The following IMPDH1 variants were observed in gnomAD, a reference collection of about 807,000 sequenced individuals.
The protein encoded by IMPDH1 is inosine-5'-monophosphate dehydrogenase 1.
Under a neutral mutation model 73.5 loss-of-function variants are expected in IMPDH1, and 41 were observed. The observed-to-expected ratio is 0.56, with a 90% CI of 0.43 to 0.72. The LOEUF (loss-of-function observed/expected upper bound fraction) is 0.72, where lower values mean the gene tolerates loss of function less well. Ranked by LOEUF, IMPDH1 falls within the 30% of genes least tolerant of loss-of-function variation. The pLI, the probability that IMPDH1 is intolerant of heterozygous loss-of-function variation, is 0.00. For synonymous variants in IMPDH1, 318 were observed against 334.3 expected (o/e 0.95, Z 0.53); for missense variants, 645 against 824.8 (o/e 0.78, Z 2.67).
intron 4 of IMPDH1, 139 bp from the exon 5 acceptor site, chr7:128,403,893 C>A: frequency 1.3e-6 from 1 of 759,812 alleles, no homozygotes; most frequent in East Asian, 2.6e-5. Context: ...CCCTACTGCC[C>A]CATCAGGGCA....
chr7:128,405,973 C>CGCGGGCCGG (rs1027053799), intron 3 of IMPDH1, 108 bp from the exon 4 acceptor site: 9 of 962,346 alleles, frequency 9.4e-6, no homozygotes, highest in African/African-American at 7.1e-5. Flanking sequence ...ACGCTGCTGC[C>CGCGGGCCGG]GCGGGCCGGG....
intron 5 of IMPDH1, among the ~76,000 whole-genome samples, chr7:128,401,966 C>A (rs930348877): frequency 6.6e-6 from 1 of 152,148 alleles, no homozygotes; most frequent in South Asian, 2.1e-4. Flanking sequence ...TCCCTGAAAC[C>A]CATCACTAAC....
chr7:128,405,921 C>CGCCGCTGCT, intron 3 of IMPDH1, 56 bp from the exon 4 acceptor site: 5 of 1,455,470 alleles, frequency 3.4e-6, no homozygotes, highest in Non-Finnish European at 4.5e-6. Context: ...CCGCCGCTGC[C>CGCCGCTGCT]GCCGCTGCTG....
chr7:128,403,663 A>G (rs1464658890), intron 5 of IMPDH1, 43 bp downstream of exon 5: 2 of 1,574,402 alleles, frequency 1.3e-6, no homozygotes, highest in African/African-American at 2.7e-5. Context: ...CTCTTCCACC[A>G]CATACACAGC....
intron 9 of IMPDH1, among the ~76,000 whole-genome samples, chr7:128,399,523 A>C (rs1355178645): frequency 1.0e-5 from 1 of 95,408 alleles, no homozygotes; most frequent in Non-Finnish European, 2.1e-5. Flanking sequence ...CTAAAAATAC[A>C]AAAAAAAAAA....
At chr7:128,403,069 GCCCACCGTTCC>G in intron 5 of IMPDH1, among the ~76,000 whole-genome samples, 1 of 151,930 alleles carries the variant, frequency 6.6e-6, no homozygotes, top group Non-Finnish European at 1.5e-5. Flanking sequence ...CCACTCCCAA[GCCCACCGTTCC>G]CACTCCCAAG....
chr7:128,397,798 C>T (rs887906015), intron 10 of IMPDH1, among the ~76,000 whole-genome samples: 2 of 152,038 alleles, frequency 1.3e-5, no homozygotes, highest in South Asian at 4.2e-4. Flanking sequence ...ATACTGCATA[C>T]TGGTGAGAAT....
At chr7:128,406,301 A>ACCCCCCCC (rs1563002564) in intron 3 of IMPDH1, among the ~76,000 whole-genome samples, 1 of 8,112 alleles carries the variant, frequency 1.2e-4, no homozygotes, top group Non-Finnish European at 3.0e-4. Context: ...CCACACCCCC[A>ACCCCCCCC]CACCCCCCAC....
In IMPDH1 at chr7:128,398,270, G is replaced by A; in HGVS notation, c.1074+144C>T. 1.5e-6 allele frequency: 1 copy of A among 670,748 alleles called. No individual in the cohort carries two copies. The highest frequency in any genetic ancestry group is 1.8e-5 in the South Asian group (1 of 54,092). 41.5% of individuals were successfully genotyped at this position (670,748 alleles called of 1,614,324 possible). On this transcript the variant is annotated intron_variant, in intron 10 of 16. Coordinates refer to ENST00000338791, the MANE Select transcript of IMPDH1 (RefSeq NM_000883.4). The surrounding 1 kb of genome is among the most constrained non-coding windows in gnomAD (Gnocchi z 4.3). ...ATCCTGCTGCCACCCTCCTAATTCT[G>A]ACACCAGGGAGCACTCAGAAAGAGA...
At chr7:128,407,747 T>G (rs1798874092) in intron 3 of IMPDH1, among the ~76,000 whole-genome samples, 1 of 151,872 alleles carries the variant, frequency 6.6e-6, no homozygotes, top group Admixed American at 6.6e-5. Flanking sequence ...ATGGCTAGAG[T>G]ACTATTCAGG....
chr7:128,392,731 G>A lies in IMPDH1; in HGVS notation c.*276C>T, dbSNP rs72624977. The A allele has an allele frequency of 4.6e-3, 2,258 of 486,814 alleles. 10 individuals are homozygous for A. The highest frequency in any genetic ancestry group is 6.2e-3 in the Non-Finnish European group (1,661 of 268,346). The allele number at this position is 486,814 out of a possible 1,614,324, so 30.2% of individuals were successfully genotyped here. ...GCCAGGCTGGAGCAGGCTGCAGCAA[G>A]AAAGACCTGAGGCAGGCGCAGGGCC... On this transcript the variant is annotated 3_prime_UTR_variant, in exon 17 of 17. Coordinates refer to ENST00000338791, the MANE Select transcript of IMPDH1 (RefSeq NM_000883.4).
chr7:128,405,910 C>G, intron 3 of IMPDH1, 45 bp from the exon 4 acceptor site: 18 of 1,470,656 alleles, frequency 1.2e-5, no homozygotes, highest in Non-Finnish European at 1.5e-5. Context: ...CGCGCGGCCG[C>G]CCGCCGCTGC....
intron 12 of IMPDH1, among the ~76,000 whole-genome samples, chr7:128,395,968 G>A (rs1797886153): frequency 6.6e-6 from 1 of 152,214 alleles, no homozygotes; most frequent in Non-Finnish European, 1.5e-5. Flanking sequence ...GGGTAGGAAA[G>A]GCCAAATGCA....
In IMPDH1 at chr7:128,401,120, A is replaced by G. The variant is rs1171272647; in HGVS notation, c.403-4T>C. 1 of 1,610,158 alleles carries G rather than the reference A, an allele frequency of 6.2e-7. No homozygotes were observed. The highest frequency in any genetic ancestry group is 8.5e-7 in the Non-Finnish European group (1 of 1,177,354). ...GGGTCAGGGCTGAGGTCAGGTCCTG[A>G]GGATGGAGGCACAGCCCACGTAAAG... On this transcript the variant is annotated splice_polypyrimidine_tract_variant and splice_region_variant and intron_variant, in intron 5 of 16. Transcript: ENST00000338791.
rs763116214 is a variant in IMPDH1 at position 128,394,321 on chromosome 7, T to C, written c.1735A>G (p.Thr579Ala). 7 of 1,613,940 alleles carry C rather than the reference T, an allele frequency of 4.3e-6. No homozygotes were observed. Among genetic ancestry groups the C allele is most frequent in the Non-Finnish European group, 5.1e-6 (6 of 1,180,008 alleles). The change falls in exon 16 of 17, where the codon ACC (threonine) becomes GCC (alanine). Residue 579 changes from threonine to alanine, a missense_variant. Physicochemically the swap from Thr to Ala is moderately conservative, Grantham distance 58. Transcript: ENST00000338791. The surrounding 1 kb of genome is among the most constrained non-coding windows in gnomAD (Gnocchi z 5.5). ...CCACCCTCAATCTGGGCCGACATGG[T>C]CCGCTTCTCAAACTTGAGCTCTCCT... ...YSGELKFEKRTMSAQIEGGVH... is the reference protein window; with the variant it reads ...YSGELKFEKRAMSAQIEGGVH...
chr7:128,407,498 A>G (rs1489555238), intron 3 of IMPDH1, among the ~76,000 whole-genome samples: 1 of 152,208 alleles, frequency 6.6e-6, no homozygotes, highest in Non-Finnish European at 1.5e-5. Context: ...GAGCACCAGC[A>G]CTAGGACCTT....
chr7:128,409,700 G>A, intron 1 of IMPDH1, 56 bp downstream of exon 1: 1 of 1,519,252 alleles, frequency 6.6e-7, no homozygotes, highest in Non-Finnish European at 8.8e-7. Context: ...GAGCCGCCGC[G>A]CCCTCCTCGG....
chr7:128,400,670 G>C (rs1798267041), intron 7 of IMPDH1, 131 bp from the exon 8 acceptor site: 1 of 1,173,100 alleles, frequency 8.5e-7, no homozygotes, highest in South Asian at 1.2e-5. Flanking sequence ...GGAGCCAGTG[G>C]GAAAATGAGG....
intron 9 of IMPDH1, among the ~76,000 whole-genome samples, chr7:128,399,595 G>A (rs930085487): frequency 6.6e-6 from 1 of 151,940 alleles, no homozygotes; most frequent in African/African-American, 2.4e-5. Context: ...GCTGAGGCAT[G>A]AGAATTGCTT....
Sources: gnomAD v4.1 joint callset for allele counts (sites outside exome capture counted in the v4.1 genomes callset) on GRCh38, gnomAD v4.1.1 for gene constraint, Gnocchi (gnomAD v3.1) non-coding constraint, MANE v1.5 for transcripts, NCBI Gene and HGNC (gene_info 2026-07-23, HGNC 2026-07-21) for gene names.